ZNF208: variants seen among roughly 807,000 people sequenced by gnomAD.
ZNF208 encodes the protein zinc finger protein 95.
In ZNF208, 10 loss-of-function variants were observed where a neutral mutation model predicts 12.1. The observed-to-expected ratio is 0.83, with a 90% confidence interval of 0.51 to 1.40. ZNF208 has a LOEUF of 1.40. ZNF208 is among the 40% of genes most tolerant of loss of function. ZNF208 has a pLI of 0.00. For synonymous variants in ZNF208, 497 were observed against 488.4 expected (o/e 1.02, Z -0.23); for missense variants, 1,652 against 1,485.0 (o/e 1.11, Z -1.85).
At chr19:21,947,387 C>G (rs138873161) in intron 4 of ZNF208, among the ~76,000 whole-genome samples, 13 of 152,258 alleles carry the variant, frequency 8.5e-5, no homozygotes, top group African/African-American at 2.6e-4. Flanking sequence ...AACAGCCTAT[C>G]AAAACCCAAA....
intron 1 of ZNF208, among the ~76,000 whole-genome samples, chr19:22,001,892 C>CAAACAAAAAAAAAAAAAA (rs1970956301): frequency 1.3e-5 from 1 of 74,106 alleles, no homozygotes. Flanking sequence ...GACTCCATCC[C>CAAACAAAAAAAAAAAAAA]AAAAAAAAAA....
chr19:21,987,547 C>T (rs1970649332), intron 2 of ZNF208, among the ~76,000 whole-genome samples: 1 of 152,180 alleles, frequency 6.6e-6, no homozygotes, highest in African/African-American at 2.4e-5. Context: ...AGCCTCCTTA[C>T]TGCCATCACG....
In ZNF208 at chr19:21,971,342, C is replaced by G. The variant is rs763775354; in HGVS notation, c.3692G>C (p.Gly1231Ala). 1 of 1,610,836 alleles carries G rather than the reference C, an allele frequency of 6.2e-7. No individual in the cohort carries two copies. The highest frequency in any genetic ancestry group is 1.1e-5 in the South Asian group (1 of 91,016). ...GEKPYKCEECGKAFSTFSILT... is the reference protein window; with the variant it reads ...GEKPYKCEECAKAFSTFSILT... ...GATTGAGAACGTACTAAAGGCTTTG[C>G]CACATTCTTCACATTTGTAGGGTTT... Residue 1231 changes from glycine (G) to alanine (A), a missense_variant, in exon 4 of 4, where the codon GGC becomes GCC. Coordinates refer to ENST00000397126, the MANE Select transcript of ZNF208 (RefSeq NM_007153.3).
chr19:21,992,944 GC>G (rs1404497154), intron 1 of ZNF208, among the ~76,000 whole-genome samples: 2 of 152,062 alleles, frequency 1.3e-5, no homozygotes, highest in Admixed American at 6.6e-5. Flanking sequence ...AAAAGAAAAG[GC>G]CATTTTTTTC....
intron 1 of ZNF208, among the ~76,000 whole-genome samples, chr19:22,010,042 G>C (rs547846763): frequency 1.3e-5 from 2 of 152,072 alleles, no homozygotes; most frequent in South Asian, 4.2e-4. Context: ...AAAAGTAACC[G>C]AGCGTGGTGG....
intron 1 of ZNF208, among the ~76,000 whole-genome samples, chr19:22,000,037 A>T (rs1408083489): frequency 6.6e-6 from 1 of 152,186 alleles, no homozygotes; most frequent in Admixed American, 6.5e-5. Context: ...GTTATAAAAA[A>T]ACTCCATGGG....
chr19:21,975,890 T>C (rs911549941), intron 3 of ZNF208, among the ~76,000 whole-genome samples: 9 of 110,802 alleles, frequency 8.1e-5, no homozygotes, highest in African/African-American at 1.8e-4. Flanking sequence ...AACTCTGTCC[T>C]GCCTAATGGG....
intron 1 of ZNF208, among the ~76,000 whole-genome samples, chr19:21,995,758 C>CTT (rs776494709): frequency 7.2e-5 from 11 of 152,286 alleles, no homozygotes; most frequent in South Asian, 4.1e-4. Context: ...ACTTTGTGGT[C>CTT]TTAAGATGCT....
Position 22,010,923 on chromosome 19 carries a change from G to C in ZNF208, c.-129C>G. ...CAGTAAGGACGAGACCTTGACCTCC[G>C]GCTGCAGCGAGAGACAAAGGACCGA... On this transcript the variant is annotated 5_prime_UTR_variant, in exon 1 of 4. Transcript: ENST00000397126. 7.2e-7 allele frequency: 1 copy of C among 1,388,202 alleles called. No individual in the cohort carries two copies. The highest frequency in any genetic ancestry group is 1.0e-6 in the Non-Finnish European group (1 of 985,700). The allele number at this position is 1,388,202 out of a possible 1,614,324, so 86.0% of individuals were successfully genotyped here. A position where few individuals can be genotyped will look rare whatever the true frequency, so the allele number is the denominator to read the frequency against.
chr19:21,989,452 T>C (rs1475478978), intron 1 of ZNF208, among the ~76,000 whole-genome samples: 1 of 152,074 alleles, frequency 6.6e-6, no homozygotes, highest in African/African-American at 2.4e-5. Flanking sequence ...ATGGTATATA[T>C]GTGCCACATT....
rs956736053 is a variant in ZNF208, at chr19:21,966,475, A to G, written c.*4716T>C. ...GTTGCTGCATAGTATTGGAGGTTGT[A>G]TAAGTACATCATTTTTCTTATCCAA... is the stretch of plus-strand genomic sequence containing the variant. On this transcript the variant is annotated 3_prime_UTR_variant, in exon 4 of 4. Coordinates refer to ENST00000397126, the MANE Select transcript of ZNF208 (RefSeq NM_007153.3). 6.6e-6 allele frequency: 1 copy of G among 152,136 alleles called. No homozygotes were observed. The highest frequency in any genetic ancestry group is 1.5e-5 in the Non-Finnish European group (1 of 68,008). 9.4% of individuals were successfully genotyped at this position (152,136 alleles called of 1,614,324 possible).
In ZNF208 at chr19:21,991,995, T is replaced by C. The variant is rs775211820; in HGVS notation, c.4-3086A>G. On this transcript the variant is annotated intron_variant, in intron 1 of 3. Coordinates refer to ENST00000397126, the MANE Select transcript of ZNF208 (RefSeq NM_007153.3). ...CCCAAAAAGACTATTTTGTCAAATATCCAGTAATTGAATGAGCCTGTGTTT... is the reference window on the plus strand; with the variant it reads ...CCCAAAAAGACTATTTTGTCAAATACCCAGTAATTGAATGAGCCTGTGTTT... Among the ~76,000 whole-genome samples the C allele has an allele frequency of 6.9e-4, 105 of 152,236 alleles. No individual in the cohort carries two copies. The Middle Eastern group carries it at 0.01, about 15-fold the overall frequency.
At chr19:21,981,036 T>C (rs891285998) in intron 3 of ZNF208, among the ~76,000 whole-genome samples, 1 of 151,900 alleles carries the variant, frequency 6.6e-6, no homozygotes, top group African/African-American at 2.4e-5. Context: ...CCTGAAGAGA[T>C]CAATAACGAA....
At position 21,997,167 on chromosome 19, in the gene ZNF208, C is replaced by T. The variant is rs73930363; in HGVS notation, c.4-8258G>A. 3.4e-3 allele frequency among the ~76,000 whole-genome samples: 517 copies of T among 152,280 alleles called. 3 individuals are homozygous for T. The highest frequency in any genetic ancestry group is 0.012 in the African/African-American group (484 of 41,556). ...CACAATTACATGTGAATATGACATG[C>T]ATTATAGTCAATTTGCTCAAGAGAT... On this transcript the variant is annotated intron_variant, in intron 1 of 3. Coordinates refer to ENST00000397126, the MANE Select transcript of ZNF208 (RefSeq NM_007153.3).
intron 4 of ZNF208, among the ~76,000 whole-genome samples, chr19:21,958,013 G>A (rs1382186869): frequency 1.3e-5 from 2 of 151,820 alleles, no homozygotes; most frequent in South Asian, 2.1e-4. Context: ...AGCCCCCGGA[G>A]TGTGATGTTT....
chr19:22,000,733 G>A (rs900089674), intron 1 of ZNF208, among the ~76,000 whole-genome samples: 6 of 152,076 alleles, frequency 3.9e-5, no homozygotes, highest in Non-Finnish European at 8.8e-5. Flanking sequence ...AGGAGATTTA[G>A]ACATGAAAAA....
intron 1 of ZNF208, among the ~76,000 whole-genome samples, chr19:21,993,192 C>T (rs958451246): frequency 6.6e-5 from 10 of 151,944 alleles, no homozygotes; most frequent in Admixed American, 5.9e-4. Flanking sequence ...TTATTTTGTC[C>T]TCAGGAGCCA....
At chr19:21,952,545 A>G (rs1173373079) in intron 4 of ZNF208, among the ~76,000 whole-genome samples, 2 of 152,210 alleles carry the variant, frequency 1.3e-5, no homozygotes, top group East Asian at 3.8e-4. Context: ...TATGGAGTGG[A>G]CCTCCAGAAA....
At position 21,999,610 on chromosome 19, in the gene ZNF208, A is replaced by T. The variant is rs1970905219; in HGVS notation, c.4-10701T>A. On this transcript the variant is annotated intron_variant, in intron 1 of 3. Transcript: ENST00000397126. ...TCCAATCTTTGTGCTCAACTTCTTT[A>T]TGCTCTTGAAATGAACTTTACTCTG... is the stretch of plus-strand genomic sequence containing the variant. 3.3e-5 allele frequency among the ~76,000 whole-genome samples: 5 copies of T among 152,104 alleles called. No individual in the cohort carries two copies. In the South Asian group the frequency reaches 1.0e-3, roughly 31 times the overall value.
Sources: allele counts gnomAD v4.1 joint callset (sites outside exome capture counted in the v4.1 genomes callset), GRCh38; gene constraint gnomAD v4.1.1; transcripts MANE v1.5; gene names NCBI Gene and HGNC (gene_info 2026-07-23, HGNC 2026-07-21).